The following FLNB variants were observed in gnomAD, a reference collection of about 807,000 sequenced individuals.
FLNB encodes filamin-B.
A neutral mutation model predicts 250.6 loss-of-function variants in FLNB; 111 were observed. That is an observed-to-expected ratio of 0.44 (90% CI 0.38 to 0.52). FLNB has a LOEUF of 0.52. Ranked by LOEUF, FLNB falls within the 20% of genes least tolerant of loss-of-function variation. The pLI is 0.00. For synonymous variants in FLNB, 1,302 were observed against 1,372.1 expected (o/e 0.95, Z 1.13); for missense variants, 2,869 against 3,447.8 (o/e 0.83, Z 4.20).
intron 10 of FLNB, 113 bp downstream of exon 10, chr3:58,104,198 C>G (rs1382233209): frequency 1.6e-6 from 1 of 621,480 alleles, no homozygotes; most frequent in East Asian, 3.6e-5. Context: ...TTGTTGAAAA[C>G]TTTTTTTTTT....
chr3:58,107,609 A>T (rs957773001), intron 12 of FLNB, among the ~76,000 whole-genome samples: 1 of 152,130 alleles, frequency 6.6e-6, no homozygotes. Flanking sequence ...TATTATTTCA[A>T]GGTGCTCCAT....
In FLNB at chr3:58,138,708, G is replaced by A. The variant is rs550811521; in HGVS notation, c.5109+179G>A. ...ATCTCTAGAAACTCAGAGACCCTTT[G>A]GCTGTAAGGGTTTTTAGGGAATCTT... On this transcript the variant is annotated intron_variant, in intron 29 of 45. Transcript: ENST00000295956. Among the ~76,000 whole-genome samples, 15 of 152,222 alleles carry A rather than the reference G, an allele frequency of 9.9e-5. No individual in the cohort carries two copies. The South Asian group carries it at 2.5e-3, about 25-fold the overall frequency.
At chr3:58,133,493 A>C (rs959977609) in intron 26 of FLNB, among the ~76,000 whole-genome samples, 12 of 151,206 alleles carry the variant, frequency 7.9e-5, no homozygotes, top group Non-Finnish European at 1.5e-4. Flanking sequence ...TCATTGATGA[A>C]ATAAATAATT....
At chr3:58,065,723 C>G (rs1048693715) in intron 1 of FLNB, among the ~76,000 whole-genome samples, 1 of 152,164 alleles carries the variant, frequency 6.6e-6, no homozygotes, top group African/African-American at 2.4e-5. Flanking sequence ...CACTCTTTTC[C>G]TCGAGGGATT....
chr3:58,100,125 G>A (rs2107068671), intron 8 of FLNB, among the ~76,000 whole-genome samples: 1 of 151,578 alleles, frequency 6.6e-6, no homozygotes, highest in South Asian at 2.1e-4. Context: ...TTCTCCCCTT[G>A]ACAAAGAAAA....
intron 18 of FLNB, among the ~76,000 whole-genome samples, chr3:58,116,719 A>G (rs879917495): frequency 5.3e-5 from 8 of 152,212 alleles, no homozygotes; most frequent in Non-Finnish European, 8.8e-5. Flanking sequence ...GATTTCCCTG[A>G]GGACTTTGGT....
chr3:58,171,028 C>A lies in FLNB; in HGVS notation c.*266C>A, dbSNP rs2097381740. 1 of 466,238 alleles carries A rather than the reference C, an allele frequency of 2.1e-6. No individual in the cohort carries two copies. 28.9% of individuals were successfully genotyped at this position (466,238 alleles called of 1,614,324 possible). A position where few individuals can be genotyped will look rare whatever the true frequency, so the allele number is the denominator to read the frequency against. On this transcript the variant is annotated 3_prime_UTR_variant, in exon 46 of 46. Coordinates refer to ENST00000295956, the MANE Select transcript of FLNB (RefSeq NM_001457.4). This position sits in a 1 kb window ranked among gnomAD's most constrained non-coding sequence, Gnocchi z 5.5. ...AAACCAGAACTCTTGGTGGAACAGA[C>A]CAGCCACTGCAGCAGACAGACCAGG...
In FLNB at chr3:58,111,397, G is replaced by A. The variant is rs2097268352; in HGVS notation, c.2485-394G>A. Among the ~76,000 whole-genome samples, 3 of 152,260 alleles carry A rather than the reference G, an allele frequency of 2.0e-5. 1 individual carries two copies. The South Asian group carries it at 6.2e-4, about 32-fold the overall frequency. Reference sequence around the variant, plus strand: ...GAAGAATTATAATCATTCTGTCTCTGATCACTTCTTGCATTTCCCCAGACC... The same window carrying A: ...GAAGAATTATAATCATTCTGTCTCTAATCACTTCTTGCATTTCCCCAGACC... On this transcript the variant is annotated intron_variant, in intron 16 of 45. Coordinates refer to ENST00000295956, the MANE Select transcript of FLNB (RefSeq NM_001457.4).
intron 42 of FLNB, among the ~76,000 whole-genome samples, chr3:58,161,051 G>A (rs1291462723): frequency 6.6e-6 from 1 of 152,202 alleles, no homozygotes; most frequent in Admixed American, 6.5e-5. Flanking sequence ...TAGGCAGAAA[G>A]GCAGTGGGGA....
At chr3:58,155,883 T>C in intron 40 of FLNB, 77 bp from the exon 41 acceptor site, 1 of 1,017,528 alleles carries the variant, frequency 9.8e-7, no homozygotes, top group Non-Finnish European at 1.5e-6. Flanking sequence ...CTGAAGGCAT[T>C]TTAGCCCTTG....
intron 2 of FLNB, among the ~76,000 whole-genome samples, 154 bp downstream of exon 2, chr3:58,077,448 T>G (rs756608818): frequency 1.2e-4 from 19 of 152,236 alleles, no homozygotes; most frequent in Non-Finnish European, 2.5e-4. Context: ...AAACTAAAAC[T>G]GGCTCTGTGT....
At chr3:58,113,961 G>A (rs2097273451) in intron 18 of FLNB, among the ~76,000 whole-genome samples, 1 of 152,198 alleles carries the variant, frequency 6.6e-6, no homozygotes, top group Admixed American at 6.5e-5. Context: ...TTACAGGCAT[G>A]AGCCACTGCG....
intron 38 of FLNB, chr3:58,150,750 A>G (rs1166067407): frequency 5.7e-6 from 1 of 174,958 alleles, no homozygotes; most frequent in Non-Finnish European, 1.2e-5. Flanking sequence ...TCTGTCTGAA[A>G]TGTGTTCCAA....
In FLNB at chr3:58,169,433, A is replaced by G; in HGVS notation, c.7418-157A>G. The G allele has an allele frequency of 1.4e-6, 1 of 691,972 alleles. No individual in the cohort carries two copies. The highest frequency in any genetic ancestry group is 1.5e-5 in the South Asian group (1 of 66,938). 42.9% of individuals were successfully genotyped at this position (691,972 alleles called of 1,614,324 possible). On this transcript the variant is annotated intron_variant, in intron 44 of 45. Transcript: ENST00000295956. This position sits in a 1 kb window ranked among gnomAD's most constrained non-coding sequence, Gnocchi z 4.8. ...TGGGGGTGGGATCCTAGGGGTTTAG[A>G]AGACATTATGGGTGTGAGATACAGG...
At chr3:58,048,216 C>T (rs534921504) in intron 1 of FLNB, among the ~76,000 whole-genome samples, 3 of 152,304 alleles carry the variant, frequency 2.0e-5, no homozygotes, top group South Asian at 4.1e-4. Context: ...AACAGCCCCC[C>T]TGCCTTTTAC....
At chr3:58,017,763 A>G (rs1043015682) in intron 1 of FLNB, among the ~76,000 whole-genome samples, 6 of 152,204 alleles carry the variant, frequency 3.9e-5, no homozygotes, top group Admixed American at 3.9e-4. Flanking sequence ...TGAGTACAGC[A>G]TTTACCAAAG....
chr3:58,121,449 T>C lies in FLNB; in HGVS notation c.3072T>C (p.Pro1024=), dbSNP rs1398352252. ...TAGACGTGACCTACGATGGACACCC[T>C]GTGCCCGGGAGCCCCTACACAGTGG... ...YAVDVTYDGH[P]VPGSPYTVEA... is the part of the protein sequence containing the mutation. The change falls in exon 20 of 46, where the codon CCT becomes CCC. Residue 1024 remains proline (P), a synonymous_variant. Transcript: ENST00000295956. The C allele has an allele frequency of 1.2e-6, 2 of 1,614,160 alleles. No individual in the cohort carries two copies. Among genetic ancestry groups the C allele is most frequent in the Middle Eastern group, 1.6e-4 (1 of 6,062 alleles).
intron 12 of FLNB, among the ~76,000 whole-genome samples, chr3:58,107,460 G>A (rs146620788): frequency 4.5e-4 from 69 of 152,298 alleles, no homozygotes; most frequent in Middle Eastern, 3.4e-3. Context: ...CTTCTAGAGA[G>A]CTTCTAGGAT....
intron 38 of FLNB, chr3:58,152,688 C>T (rs762310565): frequency 1.6e-6 from 2 of 1,248,006 alleles, no homozygotes; most frequent in African/African-American, 1.5e-5. Flanking sequence ...TTCAACCTCC[C>T]TTCCCTTTTC....
Sources: gnomAD v4.1 joint callset for allele counts (sites outside exome capture counted in the v4.1 genomes callset) on GRCh38, gnomAD v4.1.1 for gene constraint, Gnocchi (gnomAD v3.1) non-coding constraint, MANE v1.5 for transcripts, NCBI Gene and HGNC (gene_info 2026-07-23, HGNC 2026-07-21) for gene names.